Variants in CHP1 observed in about 807,000 individuals in gnomAD.
CHP1 encodes calcineurin B homologous protein 1.
In CHP1, 11 loss-of-function variants were observed where a neutral mutation model predicts 27.4. The ratio of observed to expected loss-of-function variants is 0.40; its 90% CI spans 0.25 to 0.67. The LOEUF is 0.67. Among genes scored for constraint, CHP1 ranks in the 30% least tolerant of loss-of-function variants. The probability of loss-of-function intolerance (pLI) is 0.38; values close to 1 mark genes in which losing one functional copy is unlikely to be tolerated. For synonymous variants in CHP1, 89 were observed against 87.4 expected (o/e 1.02, Z -0.10); for missense variants, 169 against 251.3 (o/e 0.67, Z 2.22).
At chr15:41,264,517 T>C (rs926781552) in intron 4 of CHP1, among the ~76,000 whole-genome samples, 3 of 152,214 alleles carry the variant, frequency 2.0e-5, no homozygotes, top group African/African-American at 7.2e-5. Flanking sequence ...CAGCTCACTA[T>C]GGCCTTGACT....
In CHP1 at chr15:41,278,214, T is replaced by C. The variant is rs1231796324; in HGVS notation, c.412-553T>C. Among the ~76,000 whole-genome samples the C allele has an allele frequency of 2.0e-5, 3 of 150,586 alleles. No individual in the cohort carries two copies. In the East Asian group the frequency reaches 5.9e-4, roughly 30 times the overall value. ...CGGGCACGGTGGCAGGCGCCTGTAA[T>C]CCTAGCTACGCAGGAGGCTGAGGCA... is the stretch of plus-strand genomic sequence containing the variant. On this transcript the variant is annotated intron_variant, in intron 5 of 6. Coordinates refer to ENST00000334660, the MANE Select transcript of CHP1 (RefSeq NM_007236.5).
At chr15:41,273,906 T>A (rs984020876) in intron 5 of CHP1, among the ~76,000 whole-genome samples, 7 of 151,074 alleles carry the variant, frequency 4.6e-5, no homozygotes, top group African/African-American at 1.5e-4. Context: ...ATGCCACTGC[T>A]CTCCAGCCTG....
At chr15:41,238,757 C>T (rs1461202014) in intron 1 of CHP1, among the ~76,000 whole-genome samples, 1 of 151,498 alleles carries the variant, frequency 6.6e-6, no homozygotes, top group Non-Finnish European at 1.5e-5. Context: ...GAGGCTGAGG[C>T]AGGAGAATGG....
At chr15:41,250,073 A>C (rs1432191511) in intron 2 of CHP1, among the ~76,000 whole-genome samples, 3 of 149,246 alleles carry the variant, frequency 2.0e-5, no homozygotes, top group Non-Finnish European at 4.4e-5. Flanking sequence ...TCCTTGGTCT[A>C]TCAATAGGTG....
Position 41,231,374 on chromosome 15 carries a change from G to T in CHP1, c.-9G>T, listed in dbSNP as rs924121617. On this transcript the variant is annotated 5_prime_UTR_variant, in exon 1 of 7. Transcript: ENST00000334660. ...CGCCGCTGCTCCCGGAGGAGCTCCCGGCACGGCGATGGGTTCTCGGGCCTC... is the reference window on the plus strand; with the variant it reads ...CGCCGCTGCTCCCGGAGGAGCTCCCTGCACGGCGATGGGTTCTCGGGCCTC... 3.1e-6 allele frequency: 5 copies of T among 1,595,402 alleles called. No homozygotes were observed. In the African/African-American group the frequency reaches 5.3e-5, roughly 17 times the overall value.
At chr15:41,255,758 TC>T (rs112561129) in intron 2 of CHP1, among the ~76,000 whole-genome samples, 19,620 of 150,344 alleles carry the variant, frequency 0.13, 1,451 homozygotes, top group South Asian at 0.27. Flanking sequence ...ACTCCTGTAA[TC>T]CCACCCAGCA....
At chr15:41,238,316 C>G (rs951949977) in intron 1 of CHP1, among the ~76,000 whole-genome samples, 2 of 151,846 alleles carry the variant, frequency 1.3e-5, no homozygotes, top group Non-Finnish European at 2.9e-5. Flanking sequence ...CACCACGATG[C>G]CCAGCTAATG....
At chr15:41,275,197 G>A (rs10152702) in intron 5 of CHP1, among the ~76,000 whole-genome samples, 20,236 of 151,614 alleles carry the variant, frequency 0.13, 2,195 homozygotes, top group African/African-American at 0.3. Flanking sequence ...CTTTCTTGTC[G>A]CCCAGGCTGG....
intron 4 of CHP1, chr15:41,264,106 T>C: frequency 1.1e-6 from 1 of 871,650 alleles, no homozygotes; most frequent in Admixed American, 2.4e-5. Flanking sequence ...AGTATTATGG[T>C]CACATGGCAG....
Position 41,268,852 on chromosome 15 carries a change from C to T in CHP1, c.350-1705C>T, listed in dbSNP as rs551009554. The stretch of plus-strand genomic sequence containing the variant: ...GTGGGCGCCTGTAGTCCCAGCTACT[C>T]GGGAGGCTGAGGCAGGAGAATGGCG... On this transcript the variant is annotated intron_variant, in intron 4 of 6. Coordinates refer to ENST00000334660, the MANE Select transcript of CHP1 (RefSeq NM_007236.5). Among the ~76,000 whole-genome samples the T allele has an allele frequency of 1.0e-3, 152 of 150,512 alleles. 1 individual carries two copies. The highest frequency in any genetic ancestry group is 3.5e-3 in the African/African-American group (145 of 40,994).
intron 5 of CHP1, among the ~76,000 whole-genome samples, chr15:41,273,374 T>C (rs1156592242): frequency 3.3e-5 from 5 of 152,128 alleles, no homozygotes; most frequent in African/African-American, 1.2e-4. Flanking sequence ...CATTTTATTT[T>C]ATTTACTTAT....
At chr15:41,250,365 G>A (rs1375666652) in intron 2 of CHP1, among the ~76,000 whole-genome samples, 3 of 152,088 alleles carry the variant, frequency 2.0e-5, no homozygotes, top group Admixed American at 1.3e-4. Flanking sequence ...CATTATTTTG[G>A]GTAAGATATT....
At chr15:41,256,660 C>T (rs950637171) in intron 2 of CHP1, 6 of 497,726 alleles carry the variant, frequency 1.2e-5, no homozygotes, top group Admixed American at 3.6e-5. Flanking sequence ...GGCTTATTGA[C>T]GTAACCTGTG....
intron 4 of CHP1, chr15:41,264,145 T>TC (rs2047448022): frequency 4.7e-6 from 6 of 1,269,030 alleles, no homozygotes. Flanking sequence ...GCTTTTTTTT[T>TC]TCTTGTTCAC....
chr15:41,246,649 TTGA>T (rs1567005171), intron 2 of CHP1, among the ~76,000 whole-genome samples: 4 of 145,232 alleles, frequency 2.8e-5, no homozygotes, highest in Middle Eastern at 3.5e-3. Context: ...TTTTTTTTTT[TTGA>T]GAGAGAGTCT....
chr15:41,270,757 A>T (rs1360397368), intron 5 of CHP1, 139 bp downstream of exon 5: 2 of 656,896 alleles, frequency 3.0e-6, no homozygotes, highest in Admixed American at 2.8e-5. Flanking sequence ...AAGACAAAGG[A>T]GATGACCTGG....
intron 5 of CHP1, among the ~76,000 whole-genome samples, chr15:41,277,828 TAGTGTAGTACC>T (rs1437806712): frequency 6.8e-6 from 1 of 147,892 alleles, no homozygotes; most frequent in Admixed American, 6.7e-5. Flanking sequence ...CACACACCTG[TAGTGTAGTACC>T]AGTTCCTTGG....
intron 3 of CHP1, among the ~76,000 whole-genome samples, chr15:41,260,394 C>CT (rs34417644): frequency 1.0e-3 from 128 of 124,556 alleles, no homozygotes; most frequent in East Asian, 2.4e-3. Context: ...TCTTTCAAAA[C>CT]TTTTTTTTTT....
chr15:41,234,938 G>A (rs949946890), intron 1 of CHP1, among the ~76,000 whole-genome samples: 1 of 152,160 alleles, frequency 6.6e-6, no homozygotes, highest in Non-Finnish European at 1.5e-5. Context: ...TAGGAATTAA[G>A]TACAGATGTT....
Sources: allele counts gnomAD v4.1 joint callset (sites outside exome capture counted in the v4.1 genomes callset), GRCh38; gene constraint gnomAD v4.1.1; transcripts MANE v1.5; gene names NCBI Gene and HGNC (gene_info 2026-07-23, HGNC 2026-07-21).